The following USP34 variants were observed in gnomAD, a reference collection of about 807,000 sequenced individuals.
USP34 encodes the protein ubiquitin specific peptidase 34.
USP34 carries 70 observed loss-of-function variants against 460.3 expected under a neutral mutation model. That is an observed-to-expected ratio of 0.15 (90% CI 0.13 to 0.19). USP34 has a LOEUF of 0.19. USP34 is among the 10% of genes least tolerant of loss of function. The pLI, the probability that USP34 is intolerant of heterozygous loss-of-function variation, is 1.00. For missense variants in USP34, 3,985 were observed against 4,236.2 expected, an observed-to-expected ratio of 0.94 and a Z score of 1.65; for synonymous variants, 1,647 against 1,405.3, an observed-to-expected ratio of 1.17 and a Z score of -3.85.
At chr2:61,383,120 C>G in intron 6 of USP34, 149 bp downstream of exon 6, 2 of 446,946 alleles carry the variant, frequency 4.5e-6, no homozygotes, top group Non-Finnish European at 4.0e-6. Flanking sequence ...CATATATGTG[C>G]ATAAAAAACA....
chr2:61,467,630 T>G (rs998653640), intron 1 of USP34, among the ~76,000 whole-genome samples: 1 of 145,680 alleles, frequency 6.9e-6, no homozygotes, highest in Non-Finnish European at 1.5e-5. Context: ...TTTTTTTTTT[T>G]TTTTTTTGAG....
intron 1 of USP34, among the ~76,000 whole-genome samples, chr2:61,422,205 T>C (rs1694382815): frequency 6.6e-6 from 1 of 152,158 alleles, no homozygotes; most frequent in Admixed American, 6.5e-5. Context: ...CCTCTTGCAT[T>C]GTATGATTTC....
rs1168262727 is a variant in USP34 at position 61,460,980 on chromosome 2, C to CAA, written c.43+9668_43+9669dup. Among the ~76,000 whole-genome samples, 328 of 81,146 alleles carry CAA rather than the reference C, an allele frequency of 4.0e-3. 1 individual carries two copies. The highest frequency in any genetic ancestry group is 0.014 in the African/African-American group (305 of 21,884). 53.2% of individuals were successfully genotyped at this position (81,146 alleles called of 152,430 possible). A position where few individuals can be genotyped will look rare whatever the true frequency, so the allele number is the denominator to read the frequency against. On this transcript the variant is annotated intron_variant, in intron 1 of 79. Transcript: ENST00000398571. ...CTGGCAACAGGGCGAGACTCCATCT[C>CAA]AAAAAAAAAAAAAGAAAAAAAAAAC...
chr2:61,241,322 A>G (rs1688252109), intron 53 of USP34, among the ~76,000 whole-genome samples: 2 of 152,138 alleles, frequency 1.3e-5, no homozygotes, highest in African/African-American at 4.8e-5. Flanking sequence ...GATTACAGGC[A>G]TGAATCACCA....
chr2:61,463,243 A>T (rs942745756), intron 1 of USP34, among the ~76,000 whole-genome samples: 4 of 151,830 alleles, frequency 2.6e-5, no homozygotes, highest in African/African-American at 9.7e-5. Flanking sequence ...CAGGAGCATC[A>T]CTTGAGCCCA....
At chr2:61,330,177 G>A (rs190738275) in intron 20 of USP34, among the ~76,000 whole-genome samples, 4 of 152,272 alleles carry the variant, frequency 2.6e-5, no homozygotes, top group South Asian at 4.1e-4. Context: ...TGTGTGTGAC[G>A]TTGGACAAGT....
chr2:61,353,961 C>A (rs186634573), intron 10 of USP34, among the ~76,000 whole-genome samples: 1 of 151,938 alleles, frequency 6.6e-6, no homozygotes, highest in Non-Finnish European at 1.5e-5. Flanking sequence ...GTAAGTAGGA[C>A]AACTGAAATT....
At chr2:61,269,515 A>G (rs1466375896) in intron 41 of USP34, among the ~76,000 whole-genome samples, 1 of 152,142 alleles carries the variant, frequency 6.6e-6, no homozygotes, top group African/African-American at 2.4e-5. Flanking sequence ...AATCTAAAAG[A>G]GGACCATAAT....
chr2:61,329,440 G>C (rs1691195512), intron 20 of USP34, among the ~76,000 whole-genome samples: 1 of 152,096 alleles, frequency 6.6e-6, no homozygotes, highest in Non-Finnish European at 1.5e-5. Flanking sequence ...ATAACAGTTA[G>C]AATTTTAATA....
chr2:61,294,231 A>C (rs904567466), intron 32 of USP34, among the ~76,000 whole-genome samples: 1 of 151,644 alleles, frequency 6.6e-6, no homozygotes, highest in East Asian at 2.0e-4. Flanking sequence ...CTGTAGTACC[A>C]GCTACTCCAG....
At chr2:61,337,047 C>T (rs1000628975) in intron 18 of USP34, among the ~76,000 whole-genome samples, 1 of 151,972 alleles carries the variant, frequency 6.6e-6, no homozygotes, top group Non-Finnish European at 1.5e-5. Flanking sequence ...AACATACATA[C>T]AAAAGAGGGC....
intron 1 of USP34, among the ~76,000 whole-genome samples, chr2:61,463,251 C>T (rs945896667): frequency 1.3e-5 from 2 of 151,764 alleles, no homozygotes; most frequent in Non-Finnish European, 2.9e-5. Context: ...TCACTTGAGC[C>T]CAGGAGCTTG....
chr2:61,456,170 T>C (rs1317988492), intron 1 of USP34, among the ~76,000 whole-genome samples: 2 of 152,140 alleles, frequency 1.3e-5, no homozygotes, highest in African/African-American at 4.8e-5. Context: ...TAAGAAATGG[T>C]TTTCAGTGTA....
In USP34 at chr2:61,428,807, T is replaced by C. The variant is rs74347596; in HGVS notation, c.44-7974A>G. Among the ~76,000 whole-genome samples the C allele has an allele frequency of 2.0e-5, 3 of 152,202 alleles. No homozygotes were observed. In the East Asian group the frequency reaches 5.8e-4, roughly 29 times the overall value. On this transcript the variant is annotated intron_variant, in intron 1 of 79. Transcript: ENST00000398571. ...CGATTCAGAGGTAACTCCTAGGAAG[T>C]GAGGTTTGAAAATAAAGAGAGAAAA... is the stretch of plus-strand genomic sequence containing the variant.
chr2:61,400,499 T>G (rs10199672), intron 3 of USP34, among the ~76,000 whole-genome samples: 78,813 of 151,866 alleles, frequency 0.52, 20,771 homozygotes, highest in South Asian at 0.74. Context: ...TGCTTAAAAG[T>G]AACTCAGTGA....
chr2:61,301,037 G>A lies in USP34; in HGVS notation c.4042C>T (p.Pro1348Ser). The change falls in exon 29 of 80, where the codon CCT becomes TCT. Residue 1348 changes from proline (P) to serine (S), a missense_variant. Pro to Ser is a moderately conservative substitution (Grantham distance 74). Coordinates refer to ENST00000398571, the MANE Select transcript of USP34 (RefSeq NM_014709.4). Reference protein sequence around the residue: ...NIPMLLLLQEPHLTTLFDLLE... With the variant: ...NIPMLLLLQESHLTTLFDLLE... ...AAATCAAAAAGAGTAGTTAAATGAG[G>A]CTCTTGTAAAAGCAAAAGCATTGGA... is the stretch of plus-strand genomic sequence containing the variant. The A allele has an allele frequency of 6.2e-7, 1 of 1,614,006 alleles. No individual in the cohort carries two copies. The highest frequency in any genetic ancestry group is 8.5e-7 in the Non-Finnish European group (1 of 1,179,978).
intron 5 of USP34, 43 bp downstream of exon 5, chr2:61,394,810 G>T: frequency 7.0e-7 from 1 of 1,421,866 alleles, no homozygotes; most frequent in Non-Finnish European, 9.3e-7. Context: ...TGATATGCTA[G>T]ACATTGCTCC....
intron 1 of USP34, among the ~76,000 whole-genome samples, chr2:61,463,412 C>T (rs570430264): frequency 1.1e-4 from 17 of 152,176 alleles, no homozygotes; most frequent in Admixed American, 2.0e-4. Flanking sequence ...TGAATTCCTA[C>T]TACAATTATC....
intron 67 of USP34, among the ~76,000 whole-genome samples, chr2:61,216,610 A>G (rs1281719580): frequency 3.3e-5 from 5 of 150,560 alleles, no homozygotes; most frequent in African/African-American, 1.2e-4. Flanking sequence ...AAAAAACAAC[A>G]AAAAACAAAA....
Sources: gnomAD v4.1 joint callset for allele counts (sites outside exome capture counted in the v4.1 genomes callset) on GRCh38, gnomAD v4.1.1 for gene constraint, MANE v1.5 for transcripts, NCBI Gene and HGNC (gene_info 2026-07-23, HGNC 2026-07-21) for gene names.